IMPG2: variants seen among roughly 807,000 people sequenced by gnomAD.
IMPG2 encodes interphotoreceptor matrix proteoglycan 2.
IMPG2 carries 91 observed loss-of-function variants against 129.2 expected under a neutral mutation model. That is an observed-to-expected ratio of 0.70 (90% CI 0.59 to 0.84). The LOEUF is 0.84. Among genes scored for constraint, IMPG2 ranks in the 40% least tolerant of loss-of-function variants. The pLI, the probability that IMPG2 is intolerant of heterozygous loss-of-function variation, is 0.00. For synonymous variants in IMPG2, 510 were observed against 517.7 expected, an observed-to-expected ratio of 0.99 and a Z score of 0.20; for missense variants, 1,430 against 1,461.7, an observed-to-expected ratio of 0.98 and a Z score of 0.35.
At chr3:101,228,685 G>A (rs1314940721) in intron 18 of IMPG2, 112 bp downstream of exon 18, 13 of 831,244 alleles carry the variant, frequency 1.6e-5, no homozygotes, top group Admixed American at 1.1e-4. Flanking sequence ...TGGTTATCAC[G>A]GAGACTCCTG....
At chr3:101,277,346 A>C (rs1706849371) in intron 4 of IMPG2, among the ~76,000 whole-genome samples, 3 of 152,222 alleles carry the variant, frequency 2.0e-5, no homozygotes, top group African/African-American at 7.2e-5. Flanking sequence ...TAGGCATTAA[A>C]AATATATTTT....
intron 15 of IMPG2, 44 bp from the exon 16 acceptor site, chr3:101,231,189 T>G (rs1286371090): frequency 1.9e-6 from 3 of 1,580,502 alleles, no homozygotes; most frequent in Non-Finnish European, 2.6e-6. Flanking sequence ...ATCACTCTGC[T>G]CACACTGACA....
At position 101,226,798 on chromosome 3, in the gene IMPG2, T is replaced by C; in HGVS notation, c.*171A>G. ...AAATAAAAATGGTAACATCTCTTAC[T>C]ACATTCTGAAAACTTAAGCTGAAAA... On this transcript the variant is annotated 3_prime_UTR_variant, in exon 19 of 19. Coordinates refer to ENST00000193391, the MANE Select transcript of IMPG2 (RefSeq NM_016247.4). 2 of 648,304 alleles carry C rather than the reference T, an allele frequency of 3.1e-6. No homozygotes were observed. Among genetic ancestry groups the C allele is most frequent in the South Asian group, 4.1e-5 (2 of 49,222 alleles). 40.2% of individuals were successfully genotyped at this position (648,304 alleles called of 1,614,324 possible). A position where few individuals can be genotyped will look rare whatever the true frequency, so the allele number is the denominator to read the frequency against.
chr3:101,243,917 G>C lies in IMPG2; in HGVS notation c.2414C>G (p.Ala805Gly), dbSNP rs1275193413. The C allele has an allele frequency of 6.2e-7, 1 of 1,614,190 alleles. No individual in the cohort carries two copies. The highest frequency in any genetic ancestry group is 8.5e-7 in the Non-Finnish European group (1 of 1,180,030). Reference sequence around the variant, plus strand: ...TGTCACAGATAACCAGAGCCTGTCAGCACTCTGTGGTGTACTTGCCAATAT... The same window carrying C: ...TGTCACAGATAACCAGAGCCTGTCACCACTCTGTGGTGTACTTGCCAATAT... ...RDILASTPQS[A>G]DRLWLSVTQS... The change falls in exon 13 of 19, where the codon GCT (alanine) becomes GGT (glycine). Residue 805 changes from alanine (A) to glycine (G), a missense_variant. By Grantham distance (60) the Ala-to-Gly change is moderately conservative (BLOSUM62 0). Transcript: ENST00000193391.
At chr3:101,264,838 T>G (rs756427899) in intron 9 of IMPG2, among the ~76,000 whole-genome samples, 16 of 151,940 alleles carry the variant, frequency 1.1e-4, no homozygotes, top group Non-Finnish European at 2.2e-4. Context: ...ATTTAATGAA[T>G]GAATTTAGTA....
intron 4 of IMPG2, among the ~76,000 whole-genome samples, chr3:101,283,639 T>C (rs1350676922): frequency 1.3e-5 from 2 of 152,184 alleles, no homozygotes; most frequent in Non-Finnish European, 2.9e-5. Context: ...CCATTTTGTG[T>C]GATATTTGAG....
chr3:101,265,530 T>A (rs1706713397), intron 9 of IMPG2, among the ~76,000 whole-genome samples: 1 of 152,028 alleles, frequency 6.6e-6, no homozygotes, highest in Non-Finnish European at 1.5e-5. Context: ...CAGCTCTCAC[T>A]CTATACAAAA....
In IMPG2 at chr3:101,244,288, A is replaced by G. The variant is rs778005280; in HGVS notation, c.2043T>C (p.Pro681=). 2 of 1,614,034 alleles carry G rather than the reference A, an allele frequency of 1.2e-6. No individual in the cohort carries two copies. Among genetic ancestry groups the G allele is most frequent in the South Asian group, 1.1e-5 (1 of 91,078 alleles). The change falls in exon 13 of 19, where the codon CCT becomes CCC. Residue 681 remains proline (P), a synonymous_variant. Transcript: ENST00000193391. ...DRSTHFPEEE[P]LSGPAVPIFA... ...AGATGGGCACAGCAGGCCCACTAAG[A>G]GGCTCTTCCTCTGGAAAGTGTGTGG...
rs577911258 is a variant in IMPG2 at position 101,237,375 on chromosome 3, C to T, written c.3023-4384G>A. Reference sequence around the variant, plus strand: ...ACAGCACTCAAGCTCTGCTAAGGGACGATTGCCTCCTCAAGTGGGTCCCTG... The same window carrying T: ...ACAGCACTCAAGCTCTGCTAAGGGATGATTGCCTCCTCAAGTGGGTCCCTG... On this transcript the variant is annotated intron_variant, in intron 14 of 18. Coordinates refer to ENST00000193391, the MANE Select transcript of IMPG2 (RefSeq NM_016247.4). Among the ~76,000 whole-genome samples, 11 of 152,300 alleles carry T rather than the reference C, an allele frequency of 7.2e-5. No homozygotes were observed. In the East Asian group the frequency reaches 1.4e-3, roughly 19 times the overall value.
chr3:101,236,870 G>A (rs368473215), intron 14 of IMPG2, among the ~76,000 whole-genome samples: 8 of 152,076 alleles, frequency 5.3e-5, no homozygotes, highest in South Asian at 4.2e-4. Flanking sequence ...AGATAGAACC[G>A]TTTACTGCCC....
At chr3:101,300,317 G>T (rs1221074766) in intron 3 of IMPG2, among the ~76,000 whole-genome samples, 1 of 152,254 alleles carries the variant, frequency 6.6e-6, no homozygotes, top group East Asian at 1.9e-4. Context: ...CACCCTGGGA[G>T]CTTAGTGTGT....
intron 9 of IMPG2, among the ~76,000 whole-genome samples, chr3:101,258,639 C>A (rs965465420): frequency 3.3e-5 from 5 of 152,056 alleles, no homozygotes; most frequent in African/African-American, 1.2e-4. Context: ...TAACAAACAG[C>A]ACTTGTCTGG....
chr3:101,263,307 G>T (rs1183509596), intron 9 of IMPG2, among the ~76,000 whole-genome samples: 1 of 151,912 alleles, frequency 6.6e-6, no homozygotes, highest in Non-Finnish European at 1.5e-5. Context: ...CATATGTTAG[G>T]ACACAGAACA....
intron 9 of IMPG2, among the ~76,000 whole-genome samples, chr3:101,261,438 T>C (rs1025519746): frequency 6.6e-6 from 1 of 152,114 alleles, no homozygotes; most frequent in African/African-American, 2.4e-5. Context: ...AAGAGAAATG[T>C]TCCTGGATCA....
chr3:101,264,240 C>T (rs900998225), intron 9 of IMPG2, among the ~76,000 whole-genome samples: 1 of 151,814 alleles, frequency 6.6e-6, no homozygotes. Context: ...AAGACACGTA[C>T]CTGACAAAAA....
At chr3:101,256,316 TCA>T (rs571491261) in intron 10 of IMPG2, among the ~76,000 whole-genome samples, 3 of 151,486 alleles carry the variant, frequency 2.0e-5, no homozygotes, top group African/African-American at 7.3e-5. Flanking sequence ...TCTGTCTCTC[TCA>T]CACACACACA....
chr3:101,308,538 G>A (rs1400455823), intron 2 of IMPG2, among the ~76,000 whole-genome samples: 1 of 152,256 alleles, frequency 6.6e-6, no homozygotes, highest in African/African-American at 2.4e-5. Context: ...TTTTAGCCAT[G>A]GCTGGCACAC....
chr3:101,243,351 T>C (rs1033621647), intron 13 of IMPG2, among the ~76,000 whole-genome samples, 178 bp downstream of exon 13: 4 of 152,236 alleles, frequency 2.6e-5, no homozygotes, highest in African/African-American at 9.6e-5. Flanking sequence ...TTCCATTTCT[T>C]GTATGTCTTA....
intron 3 of IMPG2, among the ~76,000 whole-genome samples, chr3:101,292,535 C>A (rs535670911): frequency 6.6e-6 from 1 of 152,306 alleles, no homozygotes; most frequent in Admixed American, 6.5e-5. Flanking sequence ...AGCAAGTCAT[C>A]ATCTTTCTGC....
Sources: allele counts gnomAD v4.1 joint callset (sites outside exome capture counted in the v4.1 genomes callset), GRCh38; gene constraint gnomAD v4.1.1; transcripts MANE v1.5; gene names NCBI Gene and HGNC (gene_info 2026-07-23, HGNC 2026-07-21).